Variants in SHCBP1L observed in about 807,000 individuals in gnomAD.
SHCBP1L encodes SHC binding and spindle associated 1 like.
A neutral mutation model predicts 62.5 loss-of-function variants in SHCBP1L; 67 were observed. The observed-to-expected ratio is 1.07, with a 90% CI of 0.88 to 1.31. The LOEUF (loss-of-function observed/expected upper bound fraction) is 1.31, where lower values mean the gene tolerates loss of function less well. SHCBP1L is among the 40% of genes most tolerant of loss of function. The pLI is 0.00. For missense variants in SHCBP1L, 823 were observed against 809.8 expected (o/e 1.02, Z -0.20); for synonymous variants, 284 against 289.4 (o/e 0.98, Z 0.19).
At chr1:182,952,657 G>A in intron 1 of SHCBP1L, 72 bp downstream of exon 1, 2 of 1,497,912 alleles carry the variant, frequency 1.3e-6, no homozygotes, top group Non-Finnish European at 1.8e-6. Context: ...GCCTAAGAGG[G>A]AAGCCCCAGA....
In SHCBP1L at chr1:182,899,921, T is replaced by A; in HGVS notation, c.*62A>T. The A allele has an allele frequency of 7.3e-7, 1 of 1,375,676 alleles. No individual in the cohort carries two copies. The highest frequency in any genetic ancestry group is 9.8e-7 in the Non-Finnish European group (1 of 1,024,496). 85.2% of individuals were successfully genotyped at this position (1,375,676 alleles called of 1,614,324 possible). On this transcript the variant is annotated 3_prime_UTR_variant, in exon 10 of 10. Coordinates refer to ENST00000367547, the MANE Select transcript of SHCBP1L (RefSeq NM_030933.4). ...AATTGAAACTACCATTTCAGTGGGG[T>A]ATGAGAATCATGTATTAAACAAATT...
At chr1:182,927,486 C>A (rs1030594366) in intron 6 of SHCBP1L, among the ~76,000 whole-genome samples, 1 of 152,086 alleles carries the variant, frequency 6.6e-6, no homozygotes, top group African/African-American at 2.4e-5. Flanking sequence ...TCCTGGCTAA[C>A]GGGGTGAAAC....
chr1:182,924,977 A>AGAAAGAAAGAAAGAAAGAAAG (rs1553245973), intron 6 of SHCBP1L, among the ~76,000 whole-genome samples: 2 of 140,534 alleles, frequency 1.4e-5, no homozygotes, highest in Non-Finnish European at 3.0e-5. Context: ...AAAGAAAGAA[A>AGAAAGAAAGAAAGAAAGAAAG]AAAAAAGGAA....
intron 3 of SHCBP1L, 65 bp downstream of exon 3, chr1:182,940,264 A>G (rs2101951921): frequency 4.3e-6 from 6 of 1,394,522 alleles, no homozygotes; most frequent in Non-Finnish European, 6.0e-6. Flanking sequence ...GATTATATGA[A>G]CAAAACCTTC....
intron 5 of SHCBP1L, among the ~76,000 whole-genome samples, chr1:182,933,922 T>C (rs1651087934): frequency 1.3e-5 from 2 of 152,220 alleles, no homozygotes; most frequent in Non-Finnish European, 2.9e-5. Context: ...CTTCTTTAAA[T>C]GTGTGTCACA....
Position 182,900,138 on chromosome 1 carries a change from T to TA in SHCBP1L, c.1806dup (p.Ile603TyrfsTer16), listed in dbSNP as rs780137421. ...TTGTTGAGAGCTTCTTCTGCTACGA[T>TA]AAAAAACTGTTCCATTGGTTGAAGA... On this transcript the variant is annotated frameshift_variant, in exon 10 of 10. Coordinates refer to ENST00000367547, the MANE Select transcript of SHCBP1L (RefSeq NM_030933.4). LOFTEE classifies it high-confidence loss of function. 1.2e-6 allele frequency: 2 copies of TA among 1,612,426 alleles called. No individual in the cohort carries two copies. Among genetic ancestry groups the TA allele is most frequent in the Non-Finnish European group, 1.7e-6 (2 of 1,179,086 alleles).
chr1:182,904,568 T>A, intron 7 of SHCBP1L, 138 bp from the exon 8 acceptor site: 1 of 899,968 alleles, frequency 1.1e-6, no homozygotes, highest in Non-Finnish European at 1.7e-6. Flanking sequence ...TGTGTGTGTG[T>A]GTGTGTGTGC....
At chr1:182,947,066 G>A (rs999068992) in intron 2 of SHCBP1L, among the ~76,000 whole-genome samples, 4 of 151,812 alleles carry the variant, frequency 2.6e-5, no homozygotes, top group African/African-American at 4.8e-5. Context: ...GTGAAACCTC[G>A]TCTCTACTAA....
intron 6 of SHCBP1L, among the ~76,000 whole-genome samples, chr1:182,927,257 T>C (rs189085006): frequency 9.9e-5 from 15 of 151,942 alleles, no homozygotes; most frequent in Middle Eastern, 3.4e-3. Flanking sequence ...GCCTTTCCAC[T>C]GCACTGCTTG....
rs750725978 is a variant in SHCBP1L, at chr1:182,939,340, T to C, written c.912A>G (p.Lys304=). The C allele has an allele frequency of 2.0e-5, 32 of 1,613,936 alleles. No individual in the cohort carries two copies. Among genetic ancestry groups the C allele is most frequent in the Non-Finnish European group, 2.6e-5 (31 of 1,179,966 alleles). ...TIPGPIAQRF[K]KTLEKYKNKR... ...TGTTTTTATATTTCTCCAAAGTTTT[T>C]TTAAAACGTTGTGCGATAGGACCAG... Residue 304 remains lysine (K), a synonymous_variant, in exon 5 of 10, where the codon AAA becomes AAG. Transcript: ENST00000367547.
At chr1:182,916,037 A>G (rs1488487370) in intron 6 of SHCBP1L, among the ~76,000 whole-genome samples, 3 of 152,066 alleles carry the variant, frequency 2.0e-5, no homozygotes, top group Non-Finnish European at 2.9e-5. Flanking sequence ...CTATCTCCTG[A>G]CCTTGTGATC....
At chr1:182,940,300 T>A (rs555565139) in intron 3 of SHCBP1L, 29 bp downstream of exon 3, 1 of 1,569,460 alleles carries the variant, frequency 6.4e-7, no homozygotes, top group East Asian at 2.3e-5. Context: ...TATAATAAAT[T>A]TAATTTTCAA....
chr1:182,911,357 A>AGCTGCTC (rs1650182685), intron 6 of SHCBP1L, among the ~76,000 whole-genome samples: 1 of 152,250 alleles, frequency 6.6e-6, no homozygotes, highest in South Asian at 2.1e-4. Context: ...AGTCATAAAC[A>AGCTGCTC]ACCGAAACAA....
chr1:182,912,409 G>A (rs796594980), intron 6 of SHCBP1L, among the ~76,000 whole-genome samples: 3 of 152,214 alleles, frequency 2.0e-5, no homozygotes, highest in South Asian at 4.1e-4. Flanking sequence ...CCTTCAGAAA[G>A]CTGACCTCAT....
chr1:182,943,784 A>G (rs1240312471), intron 2 of SHCBP1L, among the ~76,000 whole-genome samples: 1 of 151,382 alleles, frequency 6.6e-6, no homozygotes, highest in Non-Finnish European at 1.5e-5. Context: ...TTATACATGC[A>G]TATAGTTTAG....
chr1:182,942,461 C>T (rs1382962895), intron 2 of SHCBP1L: 1 of 672,882 alleles, frequency 1.5e-6, no homozygotes, highest in Non-Finnish European at 2.7e-6. Flanking sequence ...CCGAGAGCCT[C>T]CGCGAAACTG....
intron 6 of SHCBP1L, among the ~76,000 whole-genome samples, chr1:182,910,685 C>T (rs540437725): frequency 2.0e-5 from 3 of 152,164 alleles, no homozygotes; most frequent in Non-Finnish European, 2.9e-5. Flanking sequence ...CAGGGCTAGA[C>T]GTATGCTCAG....
At chr1:182,935,696 A>G (rs2101947636) in intron 5 of SHCBP1L, among the ~76,000 whole-genome samples, 1 of 152,312 alleles carries the variant, frequency 6.6e-6, no homozygotes, top group South Asian at 2.1e-4. Flanking sequence ...GAAGGTGAAT[A>G]GGAATGGTAA....
chr1:182,908,343 C>A (rs1414580511), intron 6 of SHCBP1L, among the ~76,000 whole-genome samples: 1 of 138,622 alleles, frequency 7.2e-6, no homozygotes, highest in Non-Finnish European at 1.6e-5. Flanking sequence ...GTGTTTAGCT[C>A]CTGCTTGTAA....
Sources: gnomAD v4.1 joint callset for allele counts (sites outside exome capture counted in the v4.1 genomes callset) on GRCh38, gnomAD v4.1.1 for gene constraint, MANE v1.5 for transcripts, NCBI Gene and HGNC (gene_info 2026-07-23, HGNC 2026-07-21) for gene names.